TIAM1: variants seen among roughly 807,000 people sequenced by gnomAD.
TIAM1 encodes the protein TIAM Rac1 associated GEF 1.
A neutral mutation model predicts 163.5 loss-of-function variants in TIAM1; 65 were observed. The observed-to-expected ratio is 0.40, with a 90% CI of 0.33 to 0.49. TIAM1 has a LOEUF of 0.49. Ranked by LOEUF, TIAM1 falls within the 20% of genes least tolerant of loss-of-function variation. The pLI is 0.77. For synonymous variants in TIAM1, 833 were observed against 810.1 expected, an observed-to-expected ratio of 1.03 and a Z score of -0.48; for missense variants, 1,789 against 2,044.7, an observed-to-expected ratio of 0.87 and a Z score of 2.41.
intron 2 of TIAM1, among the ~76,000 whole-genome samples, chr21:31,383,568 T>G (rs2147179294): frequency 6.6e-6 from 1 of 152,298 alleles, no homozygotes; most frequent in East Asian, 1.9e-4. Context: ...GATACTGGCT[T>G]GTCCACCAAC....
intron 1 of TIAM1, among the ~76,000 whole-genome samples, chr21:31,555,913 A>G (rs1186451175): frequency 1.3e-5 from 2 of 152,096 alleles, no homozygotes; most frequent in Middle Eastern, 3.2e-3. Context: ...TCTGGGGGGA[A>G]GGAGACAGGC....
chr21:31,523,336 C>G (rs568403790), intron 1 of TIAM1, among the ~76,000 whole-genome samples: 1 of 152,196 alleles, frequency 6.6e-6, no homozygotes, highest in Non-Finnish European at 1.5e-5. Context: ...TAAGAAAAAT[C>G]TAAAACAACA....
At chr21:31,517,362 G>A (rs746941071) in intron 1 of TIAM1, among the ~76,000 whole-genome samples, 40 of 152,072 alleles carry the variant, frequency 2.6e-4, no homozygotes, top group Non-Finnish European at 3.5e-4. Context: ...ACGAAACCCC[G>A]TCTCTGTAAA....
At chr21:31,212,606 CTTTTT>C (rs35838120) in intron 10 of TIAM1, 6,615 of 93,580 alleles carry the variant, frequency 0.071, 460 homozygotes, top group African/African-American at 0.23. Flanking sequence ...GCCTGTGAAT[CTTTTT>C]TTTTTTTTTT....
At chr21:31,176,937 C>G (rs570825275) in intron 15 of TIAM1, among the ~76,000 whole-genome samples, 1 of 152,268 alleles carries the variant, frequency 6.6e-6, no homozygotes, top group South Asian at 2.1e-4. Context: ...TTCTAGACTA[C>G]AGCATTCAGT....
chr21:31,365,387 C>CTTTTTTTTT (rs772457613), intron 2 of TIAM1, among the ~76,000 whole-genome samples: 4 of 128,826 alleles, frequency 3.1e-5, no homozygotes, highest in South Asian at 2.5e-4. Context: ...TTATTTCTTT[C>CTTTTTTTTT]TTTTTTTTTT....
intron 2 of TIAM1, among the ~76,000 whole-genome samples, chr21:31,352,430 T>G (rs1256984899): frequency 6.6e-6 from 1 of 151,266 alleles, no homozygotes; most frequent in Non-Finnish European, 1.5e-5. Flanking sequence ...CAATGAAGTG[T>G]GTACTTAAAA....
chr21:31,486,776 T>C (rs187969275), intron 1 of TIAM1, among the ~76,000 whole-genome samples: 8 of 152,340 alleles, frequency 5.3e-5, no homozygotes, highest in Non-Finnish European at 1.0e-4. Flanking sequence ...AGAAGCACTT[T>C]GTGCAAAGCT....
intron 1 of TIAM1, among the ~76,000 whole-genome samples, chr21:31,482,992 A>T (rs1282128151): frequency 6.6e-6 from 1 of 152,190 alleles, no homozygotes; most frequent in Non-Finnish European, 1.5e-5. Context: ...ACAGAGGCTC[A>T]GACACTAAGC....
intron 1 of TIAM1, among the ~76,000 whole-genome samples, chr21:31,500,628 T>C (rs1349808211): frequency 6.6e-6 from 1 of 152,142 alleles, no homozygotes; most frequent in Non-Finnish European, 1.5e-5. Flanking sequence ...TAATCCAGTA[T>C]GTTTAGCATC....
At chr21:31,315,970 C>T (rs1326261321) in intron 2 of TIAM1, among the ~76,000 whole-genome samples, 1 of 152,112 alleles carries the variant, frequency 6.6e-6, no homozygotes, top group African/African-American at 2.4e-5. Context: ...GAGCGAGACT[C>T]GGTCTCAAAA....
intron 1 of TIAM1, among the ~76,000 whole-genome samples, chr21:31,477,759 G>A (rs931289324): frequency 6.6e-6 from 1 of 152,118 alleles, no homozygotes; most frequent in Non-Finnish European, 1.5e-5. Flanking sequence ...TGAAGATGAG[G>A]ACAGAACTGC....
intron 2 of TIAM1, among the ~76,000 whole-genome samples, chr21:31,389,119 T>C (rs984383029): frequency 6.6e-6 from 1 of 152,246 alleles, no homozygotes; most frequent in Admixed American, 6.5e-5. Context: ...ATTTTATTCG[T>C]GGATGCTGAC....
At chr21:31,439,822 C>T (rs2044355698) in intron 2 of TIAM1, among the ~76,000 whole-genome samples, 1 of 152,192 alleles carries the variant, frequency 6.6e-6, no homozygotes. Flanking sequence ...AATAGAACCA[C>T]TTTCTGCTGA....
At chr21:31,342,939 G>T (rs980744709) in intron 1 of TIAM1, among the ~76,000 whole-genome samples, 2 of 152,220 alleles carry the variant, frequency 1.3e-5, no homozygotes, top group South Asian at 2.1e-4. Context: ...GGTATGCTGA[G>T]AGAGTCTGCC....
At chr21:31,486,368 G>C (rs962709567) in intron 1 of TIAM1, among the ~76,000 whole-genome samples, 4 of 152,224 alleles carry the variant, frequency 2.6e-5, no homozygotes, top group African/African-American at 9.6e-5. Flanking sequence ...CCTCAAATCT[G>C]AGGCTGCATT....
chr21:31,121,843 G>C (rs919682681), intron 27 of TIAM1, among the ~76,000 whole-genome samples: 1 of 152,176 alleles, frequency 6.6e-6, no homozygotes, highest in Non-Finnish European at 1.5e-5. Context: ...ACACGAGACT[G>C]CTCACAGGGA....
chr21:31,178,303 C>CTTTTTTTTTT (rs10671534), intron 15 of TIAM1, among the ~76,000 whole-genome samples: 1 of 96,096 alleles, frequency 1.0e-5, no homozygotes, highest in African/African-American at 4.0e-5. Context: ...TTCAGGAATT[C>CTTTTTTTTTT]TTTTTTTTTT....
chr21:31,131,204 C>T (rs531912009), intron 23 of TIAM1, among the ~76,000 whole-genome samples: 3 of 152,154 alleles, frequency 2.0e-5, no homozygotes, highest in Admixed American at 6.5e-5. Context: ...AAAACTTTTG[C>T]GTAAAATATG....
Sources: allele counts gnomAD v4.1 joint callset (sites outside exome capture counted in the v4.1 genomes callset), GRCh38; gene constraint gnomAD v4.1.1; transcripts MANE v1.5; gene names NCBI Gene and HGNC (gene_info 2026-07-23, HGNC 2026-07-21).